Variants in KIF13B observed in about 807,000 individuals in gnomAD.
KIF13B encodes the protein kinesin-like protein KIF13B.
In KIF13B, 127 loss-of-function variants were observed where a neutral mutation model predicts 222.0. That is an observed-to-expected ratio of 0.57 (90% CI 0.50 to 0.66). KIF13B has a LOEUF of 0.66. Among genes scored for constraint, KIF13B ranks in the 30% least tolerant of loss-of-function variants. KIF13B has a pLI of 0.00. For missense variants in KIF13B, 2,173 were observed against 2,379.0 expected, an observed-to-expected ratio of 0.91 and a Z score of 1.80; for synonymous variants, 976 against 919.0, an observed-to-expected ratio of 1.06 and a Z score of -1.12.
chr8:29,079,370 C>G (rs1807704958), intron 37 of KIF13B, among the ~76,000 whole-genome samples: 1 of 152,240 alleles, frequency 6.6e-6, no homozygotes, highest in Non-Finnish European at 1.5e-5. Flanking sequence ...ACGGTATCTA[C>G]ATCACCCTGC....
At chr8:29,176,273 C>A in intron 9 of KIF13B, 94 bp from the exon 10 acceptor site, 2 of 730,874 alleles carry the variant, frequency 2.7e-6, no homozygotes, top group Admixed American at 5.0e-5. Flanking sequence ...TGCCCTTGTA[C>A]CTGCATGTGA....
intron 37 of KIF13B, among the ~76,000 whole-genome samples, chr8:29,077,239 C>A (rs558995792): frequency 3.9e-5 from 6 of 152,274 alleles, no homozygotes; most frequent in African/African-American, 1.4e-4. Context: ...AACAGTCTCC[C>A]CTCTGCGCCC....
chr8:29,161,847 A>G (rs890770185), intron 12 of KIF13B, among the ~76,000 whole-genome samples: 3 of 152,074 alleles, frequency 2.0e-5, no homozygotes, highest in Non-Finnish European at 4.4e-5. Context: ...TCTCTCACAC[A>G]GGACTGTGTG....
chr8:29,123,516 C>T, intron 27 of KIF13B, 24 bp from the exon 28 acceptor site: 1 of 1,612,678 alleles, frequency 6.2e-7, no homozygotes, highest in Non-Finnish European at 8.5e-7. Context: ...AATGAGGATT[C>T]AATGACAAAA....
intron 20 of KIF13B, 47 bp from the exon 21 acceptor site, chr8:29,140,238 T>G: frequency 6.2e-7 from 1 of 1,609,550 alleles, no homozygotes; most frequent in Non-Finnish European, 8.5e-7. Flanking sequence ...ATTTGGTTCG[T>G]GCTCCCTTGA....
At chr8:29,105,021 C>A (rs1369221860) in intron 35 of KIF13B, among the ~76,000 whole-genome samples, 1 of 151,794 alleles carries the variant, frequency 6.6e-6, no homozygotes, top group African/African-American at 2.4e-5. Context: ...GGCTGGAGTG[C>A]AATGGTGCAA....
chr8:29,146,632 A>C (rs1009546357), intron 17 of KIF13B, 92 bp from the exon 18 acceptor site: 12 of 1,176,546 alleles, frequency 1.0e-5, no homozygotes, highest in Admixed American at 8.9e-5. Context: ...CATCATTGCC[A>C]AAGTGTGAAT....
chr8:29,217,299 C>T (rs148039590), intron 2 of KIF13B, among the ~76,000 whole-genome samples: 2 of 152,230 alleles, frequency 1.3e-5, no homozygotes, highest in African/African-American at 4.8e-5. Context: ...CAGCTTTATC[C>T]GTAACTAAGG....
chr8:29,166,893 C>T (rs1812025821), intron 11 of KIF13B, among the ~76,000 whole-genome samples: 1 of 152,206 alleles, frequency 6.6e-6, no homozygotes, highest in South Asian at 2.1e-4. Context: ...ACTTCTACTA[C>T]AAAATATTTT....
At chr8:29,140,358 G>C in intron 20 of KIF13B, 110 bp downstream of exon 20, 1 of 1,385,934 alleles carries the variant, frequency 7.2e-7, no homozygotes, top group Non-Finnish European at 9.8e-7. Context: ...GGAAACACAA[G>C]GTATTAATAA....
intron 34 of KIF13B, among the ~76,000 whole-genome samples, chr8:29,109,206 A>G (rs774633428): frequency 2.6e-5 from 4 of 152,246 alleles, no homozygotes; most frequent in Non-Finnish European, 5.9e-5. Context: ...TGATCGGAAG[A>G]TAAGAAACAC....
At chr8:29,123,625 C>T in intron 27 of KIF13B, 133 bp from the exon 28 acceptor site, 2 of 1,193,348 alleles carry the variant, frequency 1.7e-6, no homozygotes, top group Non-Finnish European at 2.4e-6. Flanking sequence ...AAAACTAACC[C>T]ACAGCTAGAG....
intron 29 of KIF13B, among the ~76,000 whole-genome samples, chr8:29,121,995 C>T (rs895577317): frequency 1.0e-3 from 156 of 152,316 alleles, no homozygotes; most frequent in African/African-American, 3.7e-3. Context: ...TGGCTCACGC[C>T]TGTAATCCCA....
chr8:29,173,102 A>G (rs755655013), intron 10 of KIF13B, among the ~76,000 whole-genome samples: 57 of 151,900 alleles, frequency 3.8e-4, no homozygotes, highest in Non-Finnish European at 6.6e-4. Flanking sequence ...TTTAGTAGAG[A>G]TGCGATTTCA....
intron 36 of KIF13B, among the ~76,000 whole-genome samples, chr8:29,098,251 A>T (rs1401808708): frequency 6.6e-6 from 1 of 151,698 alleles, no homozygotes; most frequent in Non-Finnish European, 1.5e-5. Context: ...CTCCTTGAAA[A>T]AAATATAACC....
intron 29 of KIF13B, among the ~76,000 whole-genome samples, chr8:29,122,056 C>T (rs1208726687): frequency 1.3e-5 from 2 of 151,904 alleles, no homozygotes; most frequent in Non-Finnish European, 2.9e-5. Context: ...AGATCGAGAC[C>T]ATCCTGGCTA....
intron 21 of KIF13B, 38 bp from the exon 22 acceptor site, chr8:29,134,248 G>A: frequency 6.3e-7 from 1 of 1,599,598 alleles, no homozygotes; most frequent in South Asian, 1.1e-5. Context: ...TGAAATCTGA[G>A]GGTTCCAACA....
rs1367500362 is a variant in KIF13B, at chr8:29,071,613, T to C, written c.5218+7A>G. ...CCACCCTGGAGCCCGGAGTGCCCGG[T>C]ACCCACCTGAGGGCAGGTCGAGCTC... On this transcript the variant is annotated splice_region_variant and intron_variant, in intron 39 of 39. Transcript: ENST00000524189. The surrounding 1 kb of genome is among the most constrained non-coding windows in gnomAD (Gnocchi z 4.9). The C allele has an allele frequency of 2.6e-6, 4 of 1,548,656 alleles. No individual in the cohort carries two copies. The highest frequency in any genetic ancestry group is 1.4e-5 in the African/African-American group (1 of 73,122).
chr8:29,183,086 T>C (rs1428914838), intron 6 of KIF13B, among the ~76,000 whole-genome samples: 6 of 152,250 alleles, frequency 3.9e-5, no homozygotes, highest in Middle Eastern at 6.8e-3. Flanking sequence ...TTATCCTTAT[T>C]TTAAATCACG....
Sources: gnomAD v4.1 joint callset for allele counts (sites outside exome capture counted in the v4.1 genomes callset) on GRCh38, gnomAD v4.1.1 for gene constraint, Gnocchi (gnomAD v3.1) non-coding constraint, MANE v1.5 for transcripts, NCBI Gene and HGNC (gene_info 2026-07-23, HGNC 2026-07-21) for gene names.